Variants in ATP8B4 observed in about 807,000 individuals in gnomAD.
The protein encoded by ATP8B4 is probable phospholipid-transporting ATPase IM.
ATP8B4 carries 133 observed loss-of-function variants against 145.6 expected under a neutral mutation model. The observed-to-expected ratio is 0.91, with a 90% confidence interval of 0.79 to 1.05. The LOEUF (loss-of-function observed/expected upper bound fraction) is 1.05, where lower values mean the gene tolerates loss of function less well. Ranked by LOEUF, ATP8B4 falls within the 50% of genes least tolerant of loss-of-function variation. ATP8B4 has a pLI of 0.00. For missense variants in ATP8B4, 1,458 were observed against 1,425.2 expected (o/e 1.02, Z -0.37); for synonymous variants, 507 against 492.9 (o/e 1.03, Z -0.38).
intron 23 of ATP8B4, among the ~76,000 whole-genome samples, chr15:49,882,444 T>C (rs972505603): frequency 6.6e-6 from 1 of 152,210 alleles, no homozygotes; most frequent in Admixed American, 6.5e-5. Flanking sequence ...AAAATACTCA[T>C]AGCAGCATTG....
intron 1 of ATP8B4, among the ~76,000 whole-genome samples, chr15:50,126,432 G>A (rs1223225853): frequency 6.6e-6 from 1 of 152,106 alleles, no homozygotes; most frequent in Non-Finnish European, 1.5e-5. Flanking sequence ...ACTGGAAAGG[G>A]ATCCCAATCC....
At chr15:49,874,526 C>A (rs1188850551) in intron 25 of ATP8B4, among the ~76,000 whole-genome samples, 1 of 152,072 alleles carries the variant, frequency 6.6e-6, no homozygotes, top group Admixed American at 6.6e-5. Context: ...TTTGAAGAGA[C>A]AAATGGCCAT....
intron 1 of ATP8B4, among the ~76,000 whole-genome samples, chr15:50,146,972 C>G (rs1268003352): frequency 1.3e-5 from 2 of 151,820 alleles, no homozygotes; most frequent in African/African-American, 4.8e-5. Context: ...ATCCTCTTCC[C>G]ACTTGGCTGT....
intron 2 of ATP8B4, among the ~76,000 whole-genome samples, chr15:50,077,550 T>G (rs1194246806): frequency 6.6e-6 from 1 of 152,154 alleles, no homozygotes; most frequent in Non-Finnish European, 1.5e-5. Context: ...TCAGTAAATA[T>G]GAAGATTGAG....
chr15:50,010,364 T>C (rs145472212), intron 7 of ATP8B4, among the ~76,000 whole-genome samples: 15 of 152,214 alleles, frequency 9.9e-5, no homozygotes, highest in Non-Finnish European at 1.9e-4. Context: ...TAATAACATG[T>C]TATTAATTCA....
At chr15:49,894,187 T>C (rs1275993522) in intron 23 of ATP8B4, among the ~76,000 whole-genome samples, 1 of 152,210 alleles carries the variant, frequency 6.6e-6, no homozygotes, top group Non-Finnish European at 1.5e-5. Context: ...GATCACACTT[T>C]GCCATGCCCA....
In ATP8B4 at chr15:49,922,520, T is replaced by G. The variant is rs76318349; in HGVS notation, c.1758+859A>C. On this transcript the variant is annotated intron_variant, in intron 17 of 27. Coordinates refer to ENST00000284509, the MANE Select transcript of ATP8B4 (RefSeq NM_024837.4). ...TTTAAATTTAAAGTGAGACAGAGGA[T>G]TTTTTTTATTTGTTTATTTGCTTTT... 9.3e-3 allele frequency: 3,058 copies of G among 328,734 alleles called. 103 individuals carry two copies. Among genetic ancestry groups the G allele is most frequent in the African/African-American group, 0.064 (2,873 of 44,754 alleles). The allele number at this position is 328,734 out of a possible 1,614,324, so 20.4% of individuals were successfully genotyped here.
chr15:50,083,875 T>A (rs1418687689), intron 2 of ATP8B4, among the ~76,000 whole-genome samples: 3 of 152,224 alleles, frequency 2.0e-5, no homozygotes, highest in African/African-American at 7.2e-5. Context: ...CTAGAATAGC[T>A]AGTCAGCAAA....
chr15:50,162,519 C>T (rs555668833), intron 1 of ATP8B4, among the ~76,000 whole-genome samples: 5,702 of 151,124 alleles, frequency 0.038, 170 homozygotes, highest in Middle Eastern at 0.078. Context: ...TTGTTTTTTT[C>T]TTTTTTAGAT....
chr15:50,077,013 T>G (rs889091795), intron 2 of ATP8B4, among the ~76,000 whole-genome samples: 4 of 152,186 alleles, frequency 2.6e-5, no homozygotes. Context: ...CTATTCCCAT[T>G]GAGAACGGCT....
chr15:50,028,592 T>C (rs1162936966), intron 6 of ATP8B4, among the ~76,000 whole-genome samples: 1 of 152,144 alleles, frequency 6.6e-6, no homozygotes, highest in Non-Finnish European at 1.5e-5. Flanking sequence ...AATGTGAGAG[T>C]ATCCTGGCAA....
chr15:50,089,708 G>T (rs983582112), intron 2 of ATP8B4, among the ~76,000 whole-genome samples: 16 of 151,410 alleles, frequency 1.1e-4, no homozygotes, highest in African/African-American at 3.9e-4. Flanking sequence ...CTGTCTCCCA[G>T]GCTGGAGTGC....
At chr15:50,084,133 C>T (rs1303191077) in intron 2 of ATP8B4, among the ~76,000 whole-genome samples, 2 of 152,030 alleles carry the variant, frequency 1.3e-5, no homozygotes, top group Non-Finnish European at 2.9e-5. Flanking sequence ...ACCCAGACTA[C>T]ACCACCGTGA....
At chr15:50,146,257 T>C (rs1435211815) in intron 1 of ATP8B4, among the ~76,000 whole-genome samples, 1 of 152,186 alleles carries the variant, frequency 6.6e-6, no homozygotes, top group East Asian at 1.9e-4. Flanking sequence ...GTGATTCACC[T>C]GCCTTGGCCT....
chr15:50,088,121 C>T (rs1431833172), intron 2 of ATP8B4, among the ~76,000 whole-genome samples: 3 of 152,074 alleles, frequency 2.0e-5, no homozygotes, highest in Non-Finnish European at 4.4e-5. Flanking sequence ...GGCACGGTGG[C>T]TCACACCTGT....
intron 3 of ATP8B4, among the ~76,000 whole-genome samples, chr15:50,052,007 A>C (rs796224707): frequency 6.6e-6 from 1 of 152,224 alleles, no homozygotes; most frequent in Non-Finnish European, 1.5e-5. Flanking sequence ...GAATGGGAAC[A>C]AGGAACAAGG....
At chr15:49,930,615 C>T (rs1002295428) in intron 16 of ATP8B4, among the ~76,000 whole-genome samples, 1 of 152,026 alleles carries the variant, frequency 6.6e-6, no homozygotes, top group African/African-American at 2.4e-5. Context: ...AATTTAGAAA[C>T]TCATCCGGAG....
At chr15:50,158,486 G>C (rs1234901502) in intron 1 of ATP8B4, among the ~76,000 whole-genome samples, 1 of 150,884 alleles carries the variant, frequency 6.6e-6, no homozygotes, top group Admixed American at 6.6e-5. Flanking sequence ...AGGGAGGTGG[G>C]GGGGCGCCTC....
At chr15:50,038,183 A>C (rs1346109377) in intron 6 of ATP8B4, among the ~76,000 whole-genome samples, 1 of 152,176 alleles carries the variant, frequency 6.6e-6, no homozygotes, top group Non-Finnish European at 1.5e-5. Flanking sequence ...AGTTTTCTGG[A>C]GGTGTTTTTG....
Sources: gnomAD v4.1 joint callset for allele counts (sites outside exome capture counted in the v4.1 genomes callset) on GRCh38, gnomAD v4.1.1 for gene constraint, MANE v1.5 for transcripts, NCBI Gene and HGNC (gene_info 2026-07-23, HGNC 2026-07-21) for gene names.